The following DHRS2 variants were observed in gnomAD, a reference collection of about 807,000 sequenced individuals.
DHRS2 encodes dehydrogenase/reductase SDR family member 2, mitochondrial.
DHRS2 carries 29 observed loss-of-function variants against 26.3 expected under a neutral mutation model. The observed-to-expected ratio is 1.10, with a 90% CI of 0.82 to 1.50. The LOEUF (loss-of-function observed/expected upper bound fraction) is 1.50. DHRS2 is among the 40% of genes most tolerant of loss of function. The pLI is 0.00. For missense variants in DHRS2, 439 were observed against 367.1 expected (o/e 1.20, Z -1.60); for synonymous variants, 164 against 151.3 (o/e 1.08, Z -0.62).
rs773323422 is a variant in DHRS2, at chr14:23,645,134, C to T, written c.732-8C>T. ...AGATGCTTGACACTGTGTCCTTCTT[C>T]CATCCAGGATTGGGGAGTCAGAGGA... On this transcript the variant is annotated splice_region_variant and splice_polypyrimidine_tract_variant and intron_variant, in intron 8 of 8. Coordinates refer to ENST00000250383, the MANE Select transcript of DHRS2 (RefSeq NM_005794.4). 1 of 1,614,002 alleles carries T rather than the reference C, an allele frequency of 6.2e-7. No individual in the cohort carries two copies. Among genetic ancestry groups the T allele is most frequent in the Non-Finnish European group, 8.5e-7 (1 of 1,179,892 alleles).
chr14:23,635,869 C>T (rs981230371), upstream of DHRS2, among the ~76,000 whole-genome samples: 3 of 152,224 alleles, frequency 2.0e-5, no homozygotes, highest in Non-Finnish European at 4.4e-5. Flanking sequence ...CGTGGGCCGG[C>T]CGGTGCCAGC....
rs117149176 is a variant in DHRS2, at chr14:23,641,928, G to A, written c.421-1224G>A. On this transcript the variant is annotated intron_variant, in intron 4 of 8. Transcript: ENST00000250383. ...ACCTGAATCAGGACAGATCCCTGCA[G>A]GAGGGACTCCTGGTGCCATGTCAGT... 9.4e-3 allele frequency: 11,017 copies of A among 1,173,648 alleles called. 59 individuals are homozygous for A. The highest frequency in any genetic ancestry group is 0.011 in the Non-Finnish European group (10,006 of 935,378). 72.7% of individuals were successfully genotyped at this position (1,173,648 alleles called of 1,614,324 possible).
intron 4 of DHRS2, chr14:23,640,241 G>A: frequency 2.0e-6 from 2 of 999,056 alleles, no homozygotes; most frequent in Non-Finnish European, 1.2e-6. Flanking sequence ...CTCTGTAAGA[G>A]TCAAACATTT....
At chr14:23,634,652 T>C (rs761964913), upstream of DHRS2, among the ~76,000 whole-genome samples, 7 of 152,192 alleles carry the variant, frequency 4.6e-5, no homozygotes, top group Non-Finnish European at 7.3e-5. Context: ...TGTATAGTAT[T>C]CCATTATAGA....
At chr14:23,643,285 C>A in intron 5 of DHRS2, 66 bp downstream of exon 5, 1 of 1,447,752 alleles carries the variant, frequency 6.9e-7, no homozygotes, top group South Asian at 1.1e-5. Context: ...GAAATACAGT[C>A]GGTAGCACAG....
rs1326988766 is a variant in DHRS2 at position 23,645,489 on chromosome 14, G to A, written c.*236G>A. 3 of 731,298 alleles carry A rather than the reference G, an allele frequency of 4.1e-6. No individual in the cohort carries two copies. The highest frequency in any genetic ancestry group is 6.4e-6 in the Non-Finnish European group (3 of 471,208). 45.3% of individuals were successfully genotyped at this position (731,298 alleles called of 1,614,324 possible). A position where few individuals can be genotyped will look rare whatever the true frequency, so the allele number is the denominator to read the frequency against. On this transcript the variant is annotated 3_prime_UTR_variant, in exon 9 of 9. Transcript: ENST00000250383. ...TGTGGGGTTCTTGGTGTGGGTCTGG[G>A]GAGCTGAAGGATTTTATGGAGCTGG...
intron 5 of DHRS2, chr14:23,643,667 T>G (rs1304287766): frequency 2.2e-5 from 6 of 277,824 alleles, no homozygotes; most frequent in Non-Finnish European, 3.5e-5. Flanking sequence ...GATCTGACTG[T>G]ACCCCTCACA....
At chr14:23,637,473 CAT>C (rs1890378303) in intron 1 of DHRS2, among the ~76,000 whole-genome samples, 1 of 152,148 alleles carries the variant, frequency 6.6e-6, no homozygotes, top group Admixed American at 6.5e-5. Flanking sequence ...CCTTCCTATT[CAT>C]ATAAGTGAGG....
intron 5 of DHRS2, chr14:23,643,889 T>C (rs1283412119): frequency 1.7e-6 from 1 of 579,080 alleles, no homozygotes. Context: ...GTTCTGAGCA[T>C]GGACATCGTA....
At chr14:23,631,556 C>G (rs182069320), upstream of DHRS2, among the ~76,000 whole-genome samples, 6 of 151,962 alleles carry the variant, frequency 3.9e-5, no homozygotes, top group South Asian at 2.1e-4. Flanking sequence ...CTACCCCCCC[C>G]ACCCCTTTCC....
intron 1 of DHRS2, 58 bp from the exon 2 acceptor site, chr14:23,638,769 G>T: frequency 6.6e-7 from 1 of 1,512,522 alleles, no homozygotes; most frequent in Non-Finnish European, 9.0e-7. Context: ...GAGGAGGGTA[G>T]ATTACCTTCA....
rs1268845666 is a variant in DHRS2 at position 23,636,420 on chromosome 14, T to G, written c.-391T>G. On this transcript the variant is annotated 5_prime_UTR_variant, in exon 1 of 9. The change abolishes an upstream ATG in the 5' untranslated region. Transcript: ENST00000250383. ...GGAAGCTTTGTTCTTTTGGTCTTCA[T>G]GATAAATCTTGCTGCTGCTCACTCG... 6.6e-6 allele frequency: 1 copy of G among 152,140 alleles called. No individual in the cohort carries two copies. The highest frequency in any genetic ancestry group is 1.5e-5 in the Non-Finnish European group (1 of 68,030). 9.4% of individuals were successfully genotyped at this position (152,140 alleles called of 1,614,324 possible). A position where few individuals can be genotyped will look rare whatever the true frequency, so the allele number is the denominator to read the frequency against.
chr14:23,632,335 G>A (rs1566694933), upstream of DHRS2, among the ~76,000 whole-genome samples: 1 of 152,200 alleles, frequency 6.6e-6, no homozygotes, highest in Non-Finnish European at 1.5e-5. Flanking sequence ...TTGTCTCCAC[G>A]TAATGCAAGG....
In DHRS2 at chr14:23,645,291, C is replaced by T. The variant is rs776571797; in HGVS notation, c.*38C>T. On this transcript the variant is annotated 3_prime_UTR_variant, in exon 9 of 9. Transcript: ENST00000250383. ...CGGCTGCGTAGCTGTGGTCCCAGGCCCAGGAGCCTGAGGGGGTGTCTAGGT... is the reference window on the plus strand; with the variant it reads ...CGGCTGCGTAGCTGTGGTCCCAGGCTCAGGAGCCTGAGGGGGTGTCTAGGT... 8.7e-6 allele frequency: 14 copies of T among 1,613,480 alleles called. No homozygotes were observed. In the South Asian group the frequency reaches 1.3e-4, roughly 15 times the overall value.
chr14:23,644,398 T>C lies in DHRS2; in HGVS notation c.541-11T>C. The C allele has an allele frequency of 6.2e-7, 1 of 1,613,990 alleles. No homozygotes were observed. The highest frequency in any genetic ancestry group is 8.5e-7 in the Non-Finnish European group (1 of 1,179,994). On this transcript the variant is annotated splice_polypyrimidine_tract_variant and intron_variant, in intron 6 of 8. Coordinates refer to ENST00000250383, the MANE Select transcript of DHRS2 (RefSeq NM_005794.4). Reference sequence around the variant, plus strand: ...CCCATATCCTAATCACTCTGTCAATTCCCTTCCCAGGCGCTGGGTGTCTAC... The same window carrying C: ...CCCATATCCTAATCACTCTGTCAATCCCCTTCCCAGGCGCTGGGTGTCTAC...
chr14:23,641,970 C>G (rs1890690520), intron 4 of DHRS2: 1 of 1,141,112 alleles, frequency 8.8e-7, no homozygotes, highest in African/African-American at 1.6e-5. Flanking sequence ...TGGCACTGCC[C>G]TAGCTCCCAG....
chr14:23,644,853 G>T lies in DHRS2; in HGVS notation c.702G>T (p.Lys234Asn), dbSNP rs761000848. 11 of 1,614,088 alleles carry T rather than the reference G, an allele frequency of 6.8e-6. No individual in the cohort carries two copies. Among genetic ancestry groups the T allele is most frequent in the Admixed American group, 1.7e-5 (1 of 60,006 alleles). ...KVFHGNESLW[K>N]NFKEHHQLQR... is the part of the protein sequence containing the mutation. Reference sequence around the variant, plus strand: ...TTCATGGGAATGAGTCTCTCTGGAAGAACTTCAAGGAACATCATCAGCTGC... The same window carrying T: ...TTCATGGGAATGAGTCTCTCTGGAATAACTTCAAGGAACATCATCAGCTGC... The change falls in exon 8 of 9, where the codon AAG (lysine) becomes AAT (asparagine). Residue 234 changes from lysine (K) to asparagine (N), a missense_variant. Coordinates refer to ENST00000250383, the MANE Select transcript of DHRS2 (RefSeq NM_005794.4).
intron 5 of DHRS2, chr14:23,643,884 G>C: frequency 1.8e-6 from 1 of 571,322 alleles, no homozygotes; most frequent in Non-Finnish European, 3.1e-6. Context: ...TAAGGGTTCT[G>C]AGCATGGACA....
chr14:23,632,223 A>C (rs10438016), upstream of DHRS2, among the ~76,000 whole-genome samples: 16,455 of 152,178 alleles, frequency 0.11, 3,059 homozygotes, highest in African/African-American at 0.38. Flanking sequence ...GGTTAATCTG[A>C]GCTCGCAGCA....
Sources: gnomAD v4.1 joint callset for allele counts (sites outside exome capture counted in the v4.1 genomes callset) on GRCh38, gnomAD v4.1.1 for gene constraint, MANE v1.5 for transcripts, NCBI Gene and HGNC (gene_info 2026-07-23, HGNC 2026-07-21) for gene names.